Variants in ZNF385D observed in about 807,000 individuals in gnomAD.
ZNF385D encodes zinc finger protein 659.
A neutral mutation model predicts 35.8 loss-of-function variants in ZNF385D; 15 were observed. The observed-to-expected ratio is 0.42, with a 90% CI of 0.28 to 0.64. The LOEUF is 0.64. Ranked by LOEUF, ZNF385D falls within the 30% of genes least tolerant of loss-of-function variation. The probability of loss-of-function intolerance (pLI) is 0.23; values close to 1 mark genes in which losing one functional copy is unlikely to be tolerated. For missense variants in ZNF385D, 474 were observed against 494.6 expected, an observed-to-expected ratio of 0.96 and a Z score of 0.39; for synonymous variants, 212 against 186.8, an observed-to-expected ratio of 1.13 and a Z score of -1.10.
intron 3 of ZNF385D, among the ~76,000 whole-genome samples, chr3:21,785,900 C>T (rs1255724263): frequency 6.6e-6 from 1 of 152,200 alleles, no homozygotes; most frequent in African/African-American, 2.4e-5. Context: ...ATCACATAAA[C>T]TCAATACTTC....
intron 1 of ZNF385D, among the ~76,000 whole-genome samples, chr3:21,689,645 T>A (rs1349762209): frequency 6.6e-6 from 1 of 152,146 alleles, no homozygotes; most frequent in Non-Finnish European, 1.5e-5. Flanking sequence ...AGGAGGTCAG[T>A]CAGGTAACTG....
At chr3:21,468,027 T>C (rs971691325) in intron 4 of ZNF385D, among the ~76,000 whole-genome samples, 1 of 152,160 alleles carries the variant, frequency 6.6e-6, no homozygotes, top group Non-Finnish European at 1.5e-5. Context: ...GGCAGTGTTT[T>C]ATGAAGTGAA....
intron 3 of ZNF385D, among the ~76,000 whole-genome samples, chr3:22,008,332 G>T (rs1485430197): frequency 2.7e-5 from 4 of 148,450 alleles, no homozygotes; most frequent in East Asian, 2.0e-4. Flanking sequence ...CAGATTTAAA[G>T]AATCACTTTC....
chr3:21,922,361 A>T (rs1700510435), intron 3 of ZNF385D, among the ~76,000 whole-genome samples: 1 of 152,220 alleles, frequency 6.6e-6, no homozygotes, highest in South Asian at 2.1e-4. Context: ...ATAAAGCTAG[A>T]GGCATCACAT....
At chr3:22,295,584 T>C (rs1399117101) in intron 2 of ZNF385D, among the ~76,000 whole-genome samples, 7 of 152,252 alleles carry the variant, frequency 4.6e-5, no homozygotes, top group South Asian at 2.1e-4. Flanking sequence ...TGAAAAAAGT[T>C]TTTAATAATG....
intron 1 of ZNF385D, among the ~76,000 whole-genome samples, chr3:21,681,202 T>C (rs1241115665): frequency 3.5e-5 from 5 of 144,804 alleles, no homozygotes; most frequent in South Asian, 2.1e-4. Context: ...CCTGATAACG[T>C]AGGAATATGG....
chr3:22,197,787 T>G (rs1438458615), intron 2 of ZNF385D, among the ~76,000 whole-genome samples: 1 of 152,114 alleles, frequency 6.6e-6, no homozygotes, highest in African/African-American at 2.4e-5. Context: ...GACAAATGAC[T>G]TGATGAACAA....
chr3:22,022,470 T>G (rs1697285740), intron 3 of ZNF385D, among the ~76,000 whole-genome samples: 1 of 152,086 alleles, frequency 6.6e-6, no homozygotes, highest in Non-Finnish European at 1.5e-5. Context: ...ATGAACAGCA[T>G]CAAGAAATAA....
chr3:21,932,051 C>G (rs1701035206), intron 3 of ZNF385D, among the ~76,000 whole-genome samples: 2 of 151,174 alleles, frequency 1.3e-5, no homozygotes, highest in Admixed American at 1.3e-4. Context: ...CCTGTGGTCC[C>G]AGCTACTCGG....
intron 3 of ZNF385D, among the ~76,000 whole-genome samples, chr3:21,931,014 A>G (rs922948853): frequency 6.6e-5 from 10 of 152,164 alleles, no homozygotes; most frequent in Non-Finnish European, 1.5e-4. Flanking sequence ...TATGAAGACA[A>G]TGAAATGCCA....
intron 5 of ZNF385D, among the ~76,000 whole-genome samples, chr3:21,429,467 G>A (rs1298745096): frequency 2.0e-5 from 3 of 151,948 alleles, no homozygotes; most frequent in Non-Finnish European, 2.9e-5. Flanking sequence ...TTAGACATTT[G>A]TATTATTTCC....
chr3:22,223,258 T>C (rs1698364107), intron 2 of ZNF385D, among the ~76,000 whole-genome samples: 1 of 152,180 alleles, frequency 6.6e-6, no homozygotes, highest in Admixed American at 6.5e-5. Flanking sequence ...ATATACATAT[T>C]GTACTTATTT....
intron 3 of ZNF385D, among the ~76,000 whole-genome samples, chr3:21,786,748 T>G (rs1318127788): frequency 1.3e-5 from 2 of 152,210 alleles, no homozygotes; most frequent in African/African-American, 4.8e-5. Context: ...ATTATGCTTT[T>G]GCCATGTCCG....
At chr3:21,549,961 G>A (rs1293785058) in intron 3 of ZNF385D, among the ~76,000 whole-genome samples, 3 of 152,138 alleles carry the variant, frequency 2.0e-5, no homozygotes, top group African/African-American at 7.2e-5. Context: ...TTTTTTAAAA[G>A]GAAATCTTTA....
chr3:21,988,465 C>T (rs1408388060), intron 3 of ZNF385D, among the ~76,000 whole-genome samples: 1 of 137,974 alleles, frequency 7.2e-6, no homozygotes, highest in East Asian at 2.2e-4. Flanking sequence ...GGGGGTGCCT[C>T]CCAGTTAGGC....
At chr3:21,794,844 T>C (rs182164299) in intron 3 of ZNF385D, among the ~76,000 whole-genome samples, 8 of 152,346 alleles carry the variant, frequency 5.3e-5, no homozygotes, top group Admixed American at 2.6e-4. Context: ...CCTCCTGTTC[T>C]ACAGCCTACC....
chr3:21,492,261 A>G (rs1354164681), intron 4 of ZNF385D, among the ~76,000 whole-genome samples: 1 of 152,154 alleles, frequency 6.6e-6, no homozygotes, highest in Non-Finnish European at 1.5e-5. Flanking sequence ...TTAAAAACCA[A>G]TAGCTTAAAA....
chr3:21,457,976 G>A (rs774241438), intron 4 of ZNF385D, among the ~76,000 whole-genome samples: 8 of 152,020 alleles, frequency 5.3e-5, no homozygotes, highest in Admixed American at 1.3e-4. Context: ...ATTCTGCTAG[G>A]TCAGAAAGAC....
At chr3:21,727,550 C>A (rs751341513) in intron 1 of ZNF385D, among the ~76,000 whole-genome samples, 12 of 152,006 alleles carry the variant, frequency 7.9e-5, no homozygotes, top group Non-Finnish European at 1.5e-4. Flanking sequence ...TTTATGCAGC[C>A]AAGAAACATA....
Sources: allele counts gnomAD v4.1 joint callset (sites outside exome capture counted in the v4.1 genomes callset), GRCh38; gene constraint gnomAD v4.1.1; transcripts MANE v1.5; gene names NCBI Gene and HGNC (gene_info 2026-07-23, HGNC 2026-07-21).